The following MYH9 variants were observed in gnomAD, a reference collection of about 807,000 sequenced individuals.
The protein encoded by MYH9 is myosin-9.
MYH9 carries 29 observed loss-of-function variants against 241.9 expected under a neutral mutation model. That is an observed-to-expected ratio of 0.12 (90% CI 0.09 to 0.16). The LOEUF (loss-of-function observed/expected upper bound fraction) is 0.16, where lower values mean the gene tolerates loss of function less well. MYH9 is among the 10% of genes least tolerant of loss of function. MYH9 has a pLI of 1.00. For synonymous variants in MYH9, 1,047 were observed against 1,062.6 expected, an observed-to-expected ratio of 0.99 and a Z score of 0.29; for missense variants, 1,803 against 2,595.5, an observed-to-expected ratio of 0.69 and a Z score of 6.63.
chr22:36,358,226 G>A (rs1018124038), intron 1 of MYH9, among the ~76,000 whole-genome samples: 3 of 152,134 alleles, frequency 2.0e-5, no homozygotes, highest in East Asian at 1.9e-4. Context: ...CGCCACACCC[G>A]GCTAATTTTT....
chr22:36,293,488 G>T lies in MYH9; in HGVS notation c.3943-7C>A, dbSNP rs376396278. ...TCTCCTCCTGCAGCAGCTCCTACTC[G>T]CGGGTTGAGAGGGGTGCGGGTGCTT... On this transcript the variant is annotated splice_region_variant and splice_polypyrimidine_tract_variant and intron_variant, in intron 29 of 40. Transcript: ENST00000216181. The surrounding 1 kb of genome is among the most constrained non-coding windows in gnomAD (Gnocchi z 5.1). 46 of 1,612,610 alleles carry T rather than the reference G, an allele frequency of 2.9e-5. 1 individual carries two copies. The African/African-American group carries it at 4.0e-4, about 14-fold the overall frequency.
chr22:36,306,077 G>A lies in MYH9; in HGVS notation c.2038-26C>T, dbSNP rs751722383. ...CTGGAGAAGAAAACACATGCATGCGGTCTCACTTCCGTGCCTAGAACAGTC... is the reference window on the plus strand; with the variant it reads ...CTGGAGAAGAAAACACATGCATGCGATCTCACTTCCGTGCCTAGAACAGTC... On this transcript the variant is annotated intron_variant, in intron 16 of 40. Transcript: ENST00000216181. This position sits in a 1 kb window ranked among gnomAD's most constrained non-coding sequence, Gnocchi z 4.1. 2.5e-6 allele frequency: 4 copies of A among 1,612,142 alleles called. No homozygotes were observed. The East Asian group carries it at 8.9e-5, about 36-fold the overall frequency.
At chr22:36,311,582 C>A (rs1290248878) in intron 14 of MYH9, among the ~76,000 whole-genome samples, 1 of 152,190 alleles carries the variant, frequency 6.6e-6, no homozygotes, top group African/African-American at 2.4e-5. Context: ...TGATTCATGC[C>A]ACATGTTGGG....
chr22:36,311,501 T>C (rs914728805), intron 14 of MYH9, among the ~76,000 whole-genome samples: 2 of 151,458 alleles, frequency 1.3e-5, no homozygotes, highest in African/African-American at 4.9e-5. Context: ...CACAGGAGGG[T>C]CCCACAACAA....
intron 15 of MYH9, chr22:36,308,689 G>T: frequency 4.6e-6 from 2 of 437,320 alleles, no homozygotes; most frequent in Non-Finnish European, 6.0e-6. Context: ...GAACGGGGGT[G>T]TAAGCAGGCA....
chr22:36,325,595 T>A (rs1250307138), intron 5 of MYH9, among the ~76,000 whole-genome samples: 3 of 152,242 alleles, frequency 2.0e-5, no homozygotes, highest in East Asian at 1.9e-4. Context: ...TGCTTCTGAC[T>A]GGCACGGCGG....
At chr22:36,303,520 T>G (rs2016918183) in intron 19 of MYH9, among the ~76,000 whole-genome samples, 1 of 152,026 alleles carries the variant, frequency 6.6e-6, no homozygotes, top group Middle Eastern at 3.4e-3. Flanking sequence ...CAGTGGCTCA[T>G]GCCTGTAATC....
intron 3 of MYH9, among the ~76,000 whole-genome samples, chr22:36,336,616 T>G (rs1381503978): frequency 6.6e-6 from 1 of 152,118 alleles, no homozygotes; most frequent in African/African-American, 2.4e-5. Context: ...ATTAACAACA[T>G]GGGAAAGCCA....
At chr22:36,286,140 T>C in intron 35 of MYH9, 187 bp from the exon 36 acceptor site, 2 of 640,434 alleles carry the variant, frequency 3.1e-6, no homozygotes, top group Non-Finnish European at 5.5e-6. Flanking sequence ...CACCATATGT[T>C]TATAAAACTC....
At chr22:36,343,851 C>T (rs1569536535) in intron 2 of MYH9, among the ~76,000 whole-genome samples, 1 of 152,096 alleles carries the variant, frequency 6.6e-6, no homozygotes, top group Non-Finnish European at 1.5e-5. Context: ...CAAGGTCACC[C>T]CAGGAGCTCA....
At chr22:36,312,440 G>A (rs990377084) in intron 13 of MYH9, among the ~76,000 whole-genome samples, 3 of 152,170 alleles carry the variant, frequency 2.0e-5, no homozygotes, top group South Asian at 2.1e-4. Flanking sequence ...GATCCATCGC[G>A]GTGGTTCTCC....
rs1330038532 is a variant in MYH9 at position 36,293,978 on chromosome 22, G to C, written c.3837+114C>G. ...GTCACAAGCTGAACCATGAGGGTCT[G>C]AGGAGCCAGTTTGAGAAGAGAGAGA... On this transcript the variant is annotated intron_variant, in intron 28 of 40. Transcript: ENST00000216181. This position sits in a 1 kb window ranked among gnomAD's most constrained non-coding sequence, Gnocchi z 5.1. The C allele has an allele frequency of 6.8e-7, 1 of 1,475,734 alleles. No homozygotes were observed. The highest frequency in any genetic ancestry group is 9.3e-7 in the Non-Finnish European group (1 of 1,073,906). 91.4% of individuals were successfully genotyped at this position (1,475,734 alleles called of 1,614,324 possible). A position where few individuals can be genotyped will look rare whatever the true frequency, so the allele number is the denominator to read the frequency against.
At chr22:36,377,295 T>G (rs1205381619) in intron 1 of MYH9, among the ~76,000 whole-genome samples, 1 of 152,194 alleles carries the variant, frequency 6.6e-6, no homozygotes, top group Non-Finnish European at 1.5e-5. Flanking sequence ...TTCTTATGTT[T>G]ATCTGACAGG....
intron 1 of MYH9, among the ~76,000 whole-genome samples, chr22:36,380,568 C>T (rs1039300783): frequency 1.2e-4 from 18 of 152,130 alleles, no homozygotes; most frequent in Non-Finnish European, 1.9e-4. Context: ...TGGTGAAACC[C>T]TGCCTCTACT....
chr22:36,295,453 AG>A lies in MYH9; in HGVS notation c.3485+51del. On this transcript the variant is annotated intron_variant, in intron 26 of 40. Coordinates refer to ENST00000216181, the MANE Select transcript of MYH9 (RefSeq NM_002473.6). This position sits in a 1 kb window ranked among gnomAD's most constrained non-coding sequence, Gnocchi z 4.1. ...GCCCGGGGTCCATGTCTCCAAGCCAAGGCCCCCCTGGCTGCCCTCCCCATCC... is the reference window on the plus strand; with the variant it reads ...GCCCGGGGTCCATGTCTCCAAGCCAAGCCCCCCTGGCTGCCCTCCCCATCC... The A allele has an allele frequency of 6.6e-7, 1 of 1,505,920 alleles. No homozygotes were observed. Among genetic ancestry groups the A allele is most frequent in the Non-Finnish European group, 9.1e-7 (1 of 1,092,930 alleles). 93.3% of individuals were successfully genotyped at this position (1,505,920 alleles called of 1,614,324 possible).
Position 36,288,706 on chromosome 22 carries a change from G to A in MYH9, c.4770+21C>T. On this transcript the variant is annotated intron_variant, in intron 33 of 40. Transcript: ENST00000216181. This position sits in a 1 kb window ranked among gnomAD's most constrained non-coding sequence, Gnocchi z 4.8. ...CAAGGCAGCCTTGGGCACCCATGGG[G>A]TAGCAGGAGGCCATGCACACCTGTC... 6.2e-7 allele frequency: 1 copy of A among 1,600,346 alleles called. No homozygotes were observed. The highest frequency in any genetic ancestry group is 8.5e-7 in the Non-Finnish European group (1 of 1,179,746).
chr22:36,348,818 A>C, intron 2 of MYH9, 86 bp downstream of exon 2: 1 of 1,290,060 alleles, frequency 7.8e-7, no homozygotes. Context: ...GGGCCCAGGC[A>C]CGTGAGGGTG....
At chr22:36,341,895 G>C (rs573917282) in intron 2 of MYH9, among the ~76,000 whole-genome samples, 3 of 152,354 alleles carry the variant, frequency 2.0e-5, no homozygotes, top group Admixed American at 2.0e-4. Context: ...TCGTGAGAGA[G>C]GCACAAACAG....
intron 3 of MYH9, among the ~76,000 whole-genome samples, chr22:36,339,967 C>G (rs2017558677): frequency 6.6e-6 from 1 of 152,038 alleles, no homozygotes; most frequent in African/African-American, 2.4e-5. Context: ...CCTTGGAGGC[C>G]CTAATGCTTC....
Sources: gnomAD v4.1 joint callset for allele counts (sites outside exome capture counted in the v4.1 genomes callset) on GRCh38, gnomAD v4.1.1 for gene constraint, Gnocchi (gnomAD v3.1) non-coding constraint, MANE v1.5 for transcripts, NCBI Gene and HGNC (gene_info 2026-07-23, HGNC 2026-07-21) for gene names.